Variants in MARCHF1 observed in about 807,000 individuals in gnomAD.
MARCHF1 encodes the protein E3 ubiquitin-protein ligase MARCHF1.
A neutral mutation model predicts 54.2 loss-of-function variants in MARCHF1; 40 were observed. That is an observed-to-expected ratio of 0.74 (90% CI 0.57 to 0.96). The LOEUF is 0.96. MARCHF1 is among the 40% of genes least tolerant of loss of function. The probability of loss-of-function intolerance (pLI) is 0.00; values close to 1 mark genes in which losing one functional copy is unlikely to be tolerated. For synonymous variants in MARCHF1, 236 were observed against 236.3 expected, an observed-to-expected ratio of 1.00 and a Z score of 0.01; for missense variants, 586 against 656.5, an observed-to-expected ratio of 0.89 and a Z score of 1.17.
At chr4:163,972,476 T>C (rs2110842057) in intron 3 of MARCHF1, among the ~76,000 whole-genome samples, 1 of 152,362 alleles carries the variant, frequency 6.6e-6, no homozygotes, top group African/African-American at 2.4e-5. Flanking sequence ...TACAATGCAC[T>C]ATTAAGTACT....
chr4:163,724,836 C>T (rs548662150), intron 4 of MARCHF1, among the ~76,000 whole-genome samples: 3 of 152,098 alleles, frequency 2.0e-5, no homozygotes, highest in African/African-American at 4.8e-5. Flanking sequence ...CCTGGTGTGC[C>T]GTTTGCTAAG....
At chr4:163,718,527 T>C (rs771643063) in intron 4 of MARCHF1, among the ~76,000 whole-genome samples, 1 of 152,160 alleles carries the variant, frequency 6.6e-6, no homozygotes, top group Non-Finnish European at 1.5e-5. Flanking sequence ...CTCTATGAGA[T>C]CAATAAATCC....
intron 1 of MARCHF1, among the ~76,000 whole-genome samples, chr4:164,223,236 G>T (rs745979647): frequency 1.3e-5 from 2 of 152,040 alleles, no homozygotes; most frequent in Non-Finnish European, 2.9e-5. Context: ...ATGAAATGTT[G>T]TAGAGTTGAA....
At chr4:163,545,963 G>A (rs996779950) in intron 8 of MARCHF1, among the ~76,000 whole-genome samples, 1,638 of 151,486 alleles carry the variant, frequency 0.011, 25 homozygotes, top group African/African-American at 0.036. Flanking sequence ...GTGTGTGTGT[G>A]TGTGTGTGTG....
chr4:164,027,392 A>AAAAAAAAAAAAAAAAAAAAAAAAAAAAT lies in MARCHF1; in HGVS notation c.-247-38684_-247-38683insATTTTTTTTTTTTTTTTTTTTTTTTTTT, dbSNP rs1553971149. ...AAAAAAAAAAAAAAAAAAAAAAAAAAAGATACATAGATAAATGGATCTATA... is the reference window on the plus strand; with the variant it reads ...AAAAAAAAAAAAAAAAAAAAAAAAAAAAAAAAAAAAAAAAAAAAAAAAAAAAATAGATACATAGATAAATGGATCTATA... On this transcript the variant is annotated intron_variant, in intron 2 of 9. Coordinates refer to ENST00000514618, the MANE Select transcript of MARCHF1 (RefSeq NM_001394959.1). Among the ~76,000 whole-genome samples, 62 of 59,004 alleles carry AAAAAAAAAAAAAAAAAAAAAAAAAAAAT rather than the reference A, an allele frequency of 1.1e-3. 24 individuals are homozygous for AAAAAAAAAAAAAAAAAAAAAAAAAAAAT. The highest frequency in any genetic ancestry group is 5.0e-3 in the South Asian group (7 of 1,388). The allele number at this position is 59,004 out of a possible 152,430, so 38.7% of individuals were successfully genotyped here. A position where few individuals can be genotyped will look rare whatever the true frequency, so the allele number is the denominator to read the frequency against.
At chr4:164,205,774 A>G (rs934920474) in intron 1 of MARCHF1, among the ~76,000 whole-genome samples, 1 of 152,196 alleles carries the variant, frequency 6.6e-6, no homozygotes, top group Admixed American at 6.5e-5. Flanking sequence ...AATTTAACCT[A>G]GAGTACTATA....
chr4:163,903,108 C>T (rs996331289), intron 3 of MARCHF1, among the ~76,000 whole-genome samples: 14 of 152,072 alleles, frequency 9.2e-5, no homozygotes, highest in Non-Finnish European at 2.1e-4. Flanking sequence ...CTCAGATTAC[C>T]GTCAATACAG....
At chr4:164,290,412 C>T (rs1282560692) in intron 1 of MARCHF1, among the ~76,000 whole-genome samples, 2 of 151,926 alleles carry the variant, frequency 1.3e-5, no homozygotes, top group Non-Finnish European at 2.9e-5. Flanking sequence ...TAACTTATTG[C>T]TTTGTGAAGG....
At chr4:163,909,290 C>T (rs1751139834) in intron 3 of MARCHF1, among the ~76,000 whole-genome samples, 1 of 152,136 alleles carries the variant, frequency 6.6e-6, no homozygotes, top group South Asian at 2.1e-4. Flanking sequence ...TGATAATATA[C>T]TCTTGTAGCA....
chr4:164,258,886 C>T (rs1733369537), intron 1 of MARCHF1, among the ~76,000 whole-genome samples: 1 of 151,886 alleles, frequency 6.6e-6, no homozygotes, highest in South Asian at 2.1e-4. Context: ...GAAATAAATA[C>T]TTTTGGGAAC....
At chr4:163,982,748 T>A (rs1052701010) in intron 3 of MARCHF1, among the ~76,000 whole-genome samples, 2 of 152,180 alleles carry the variant, frequency 1.3e-5, no homozygotes, top group African/African-American at 4.8e-5. Context: ...ATTGGGAGCA[T>A]CTGTGGTCCC....
At chr4:164,143,557 A>G (rs1319187462) in intron 1 of MARCHF1, among the ~76,000 whole-genome samples, 1 of 151,662 alleles carries the variant, frequency 6.6e-6, no homozygotes, top group Admixed American at 6.6e-5. Flanking sequence ...CCAGAATTTC[A>G]TATCCAGCCA....
chr4:164,185,941 T>C (rs1328495788), intron 1 of MARCHF1, among the ~76,000 whole-genome samples: 1 of 152,194 alleles, frequency 6.6e-6, no homozygotes, highest in Non-Finnish European at 1.5e-5. Flanking sequence ...TTACCCAGGC[T>C]GGAGTGCAGT....
At chr4:163,871,741 A>T in intron 3 of MARCHF1, among the ~76,000 whole-genome samples, 1 of 152,280 alleles carries the variant, frequency 6.6e-6, no homozygotes, top group Middle Eastern at 3.4e-3. Flanking sequence ...TATGCTTATT[A>T]TTTTATTATG....
intron 8 of MARCHF1, among the ~76,000 whole-genome samples, chr4:163,575,755 C>T (rs1289028563): frequency 6.6e-6 from 1 of 151,490 alleles, no homozygotes; most frequent in Non-Finnish European, 1.5e-5. Context: ...GTTTCCATTT[C>T]TTTCTGATTC....
intron 1 of MARCHF1, among the ~76,000 whole-genome samples, chr4:164,326,850 T>C (rs1300895953): frequency 6.6e-6 from 1 of 152,110 alleles, no homozygotes; most frequent in African/African-American, 2.4e-5. Flanking sequence ...TTTCTGCTTA[T>C]TTGTTGTGAC....
At chr4:164,132,609 G>A (rs909097441) in intron 1 of MARCHF1, among the ~76,000 whole-genome samples, 3 of 152,130 alleles carry the variant, frequency 2.0e-5, no homozygotes, top group Non-Finnish European at 4.4e-5. Context: ...CCTGCAATCT[G>A]TGTTGGATTC....
At position 164,037,241 on chromosome 4, in the gene MARCHF1, G is replaced by A. The variant is rs74894749; in HGVS notation, c.-247-48532C>T. On this transcript the variant is annotated intron_variant, in intron 2 of 9. Transcript: ENST00000514618. ...AGTCTGAAATTCAGAAGAGGGGTCT[G>A]GGCTGGAGATGAAAATTTGGAGATG... Among the ~76,000 whole-genome samples, 352 of 152,210 alleles carry A rather than the reference G, an allele frequency of 2.3e-3. 1 individual carries two copies. Among genetic ancestry groups the A allele is most frequent in the African/African-American group, 8.2e-3 (339 of 41,532 alleles).
chr4:164,292,148 T>G (rs1734297454), intron 1 of MARCHF1, among the ~76,000 whole-genome samples: 1 of 152,130 alleles, frequency 6.6e-6, no homozygotes, highest in Admixed American at 6.5e-5. Flanking sequence ...ACACTGTGAT[T>G]TCTTACCACT....
Sources: allele counts gnomAD v4.1 joint callset (sites outside exome capture counted in the v4.1 genomes callset), GRCh38; gene constraint gnomAD v4.1.1; transcripts MANE v1.5; gene names NCBI Gene and HGNC (gene_info 2026-07-23, HGNC 2026-07-21).